Variants in AGXT observed in about 807,000 individuals in gnomAD.
AGXT encodes the protein L-alanine: glyoxylate aminotransferase 1.
Under a neutral mutation model 46.9 loss-of-function variants are expected in AGXT, and 41 were observed. That is an observed-to-expected ratio of 0.88 (90% confidence interval 0.68 to 1.14). AGXT has a LOEUF of 1.14. AGXT is among the 50% of genes most tolerant of loss of function. The probability of loss-of-function intolerance (pLI) is 0.00; values close to 1 mark genes in which losing one functional copy is unlikely to be tolerated. For synonymous variants in AGXT, 244 were observed against 227.9 expected (o/e 1.07, Z -0.64); for missense variants, 525 against 522.7 (o/e 1.00, Z -0.04).
At chr2:240,873,899 T>G in intron 5 of AGXT, 79 bp from the exon 6 acceptor site, 4 of 1,278,448 alleles carry the variant, frequency 3.1e-6, no homozygotes, top group Non-Finnish European at 4.6e-6. Flanking sequence ...TACCAGCCCA[T>G]TAGCTAGGCA....
chr2:240,880,294 T>C lies in AGXT; in HGVS notation c.*1473T>C, dbSNP rs2059054088. 1 of 152,168 alleles carries C rather than the reference T, an allele frequency of 6.6e-6. No homozygotes were observed. Among genetic ancestry groups the C allele is most frequent in the East Asian group, 1.9e-4 (1 of 5,198 alleles). The allele number at this position is 152,168 out of a possible 1,614,324, so 9.4% of individuals were successfully genotyped here. A position where few individuals can be genotyped will look rare whatever the true frequency, so the allele number is the denominator to read the frequency against. The stretch of plus-strand genomic sequence containing the variant: ...CCTCACCCACACTCCATGTTGTCTT[T>C]TTTTGCTAGGGGGTGTAAAATCCTG... On this transcript the variant is annotated 3_prime_UTR_variant, in exon 11 of 11. Coordinates refer to ENST00000307503, the MANE Select transcript of AGXT (RefSeq NM_000030.3).
At chr2:240,878,605 G>A in intron 10 of AGXT, 109 bp from the exon 11 acceptor site, 1 of 1,028,994 alleles carries the variant, frequency 9.7e-7, no homozygotes, top group Admixed American at 2.0e-5. Flanking sequence ...TGGACGCTGG[G>A]TGGGTGGTCC....
At position 240,877,855 on chromosome 2, in the gene AGXT, G is replaced by T. The variant is rs4073370; in HGVS notation, c.943-167G>T. Among the ~76,000 whole-genome samples the T allele has an allele frequency of 0.15, 23,251 of 152,212 alleles. 2,134 individuals carry two copies. Among genetic ancestry groups the T allele is most frequent in the Non-Finnish European group, 0.2 (13,834 of 67,974 alleles). Reference sequence around the variant, plus strand: ...CGGCCTGTGATCTCCCAGTGGGAAGGTGCCCATCCACCGCCTCCTAAGGGG... The same window carrying T: ...CGGCCTGTGATCTCCCAGTGGGAAGTTGCCCATCCACCGCCTCCTAAGGGG... On this transcript the variant is annotated intron_variant, in intron 9 of 10. Transcript: ENST00000307503.
At chr2:240,870,430 C>T (rs983211473) in intron 2 of AGXT, among the ~76,000 whole-genome samples, 1 of 152,296 alleles carries the variant, frequency 6.6e-6, no homozygotes, top group African/African-American at 2.4e-5. Flanking sequence ...GGAGCGTTGG[C>T]TCCAACAGCA....
chr2:240,873,778 C>G (rs75674404), intron 5 of AGXT, among the ~76,000 whole-genome samples, 200 bp from the exon 6 acceptor site: 3 of 152,282 alleles, frequency 2.0e-5, no homozygotes, highest in African/African-American at 7.2e-5. Context: ...TGCGCTAAAA[C>G]GCTCAGGCCT....
At chr2:240,873,285 A>T (rs2059001663) in intron 5 of AGXT, 1 of 547,864 alleles carries the variant, frequency 1.8e-6, no homozygotes, top group Admixed American at 3.1e-5. Context: ...CAGGAGGGAC[A>T]GCTTCTGGTG....
At position 240,875,216 on chromosome 2, in the gene AGXT, C is replaced by G; in HGVS notation, c.776+12C>G. 6.2e-7 allele frequency: 1 copy of G among 1,603,964 alleles called. No individual in the cohort carries two copies. The highest frequency in any genetic ancestry group is 8.5e-7 in the Non-Finnish European group (1 of 1,170,982). On this transcript the variant is annotated intron_variant, in intron 7 of 10. Coordinates refer to ENST00000307503, the MANE Select transcript of AGXT (RefSeq NM_000030.3). ...GACCAGCCCAGGATGTGAGGCCTGGCAGGGATGGGAAGGTGGAGGGCGCTG... is the reference window on the plus strand; with the variant it reads ...GACCAGCCCAGGATGTGAGGCCTGGGAGGGATGGGAAGGTGGAGGGCGCTG...
intron 5 of AGXT, 26 bp from the exon 6 acceptor site, chr2:240,873,952 G>A (rs747535862): frequency 9.9e-6 from 16 of 1,610,906 alleles, no homozygotes; most frequent in African/African-American, 6.7e-5. Flanking sequence ...GGACTCACCC[G>A]TCCCGAGCAA....
At chr2:240,869,599 T>G (rs111831986) in intron 2 of AGXT, among the ~76,000 whole-genome samples, 253 of 152,330 alleles carry the variant, frequency 1.7e-3, no homozygotes, top group Middle Eastern at 0.01. Flanking sequence ...CCCAGTCTCC[T>G]TGAGCTGTTT....
intron 2 of AGXT, 82 bp downstream of exon 2, chr2:240,869,444 C>A: frequency 4.8e-6 from 7 of 1,456,224 alleles, no homozygotes; most frequent in Non-Finnish European, 6.4e-6. Context: ...AAGCTGGCAG[C>A]CCCCGTTCCT....
chr2:240,879,083 G>A lies in AGXT; in HGVS notation c.*262G>A, dbSNP rs373418612. 25 of 575,732 alleles carry A rather than the reference G, an allele frequency of 4.3e-5. No homozygotes were observed. Among genetic ancestry groups the A allele is most frequent in the Admixed American group, 6.0e-5 (2 of 33,212 alleles). 35.7% of individuals were successfully genotyped at this position (575,732 alleles called of 1,614,324 possible). A position where few individuals can be genotyped will look rare whatever the true frequency, so the allele number is the denominator to read the frequency against. ...GCAGTCCCCAGGCCATGAGCCTCCC[G>A]GGAATGTTTAATAAAGGGCCTGGCC... On this transcript the variant is annotated 3_prime_UTR_variant, in exon 11 of 11. Transcript: ENST00000307503.
chr2:240,878,275 A>G (rs1481455173), intron 10 of AGXT, 125 bp downstream of exon 10: 1 of 1,375,742 alleles, frequency 7.3e-7, no homozygotes, highest in Non-Finnish European at 9.9e-7. Context: ...AGGAGCGTCC[A>G]GAAGGGCCCA....
intron 5 of AGXT, chr2:240,873,312 C>T (rs1266861430): frequency 6.0e-6 from 3 of 501,440 alleles, no homozygotes; most frequent in Non-Finnish European, 1.1e-5. Context: ...ATTTGAGATG[C>T]CCCAGAGCTG....
In AGXT at chr2:240,875,916, G is replaced by GC. The variant is rs1394768930; in HGVS notation, c.777-14dup. 1 of 1,613,940 alleles carries GC rather than the reference G, an allele frequency of 6.2e-7. No individual in the cohort carries two copies. The highest frequency in any genetic ancestry group is 1.7e-5 in the Admixed American group (1 of 60,000). ...AACCCTGCCCATGGTGCTGGACCAA[G>GC]CCCCCTCGTGTCTTCCAGGTACCAT... On this transcript the variant is annotated intron_variant, in intron 7 of 10. Coordinates refer to ENST00000307503, the MANE Select transcript of AGXT (RefSeq NM_000030.3).
chr2:240,874,487 G>C (rs987774833), intron 6 of AGXT, among the ~76,000 whole-genome samples: 5 of 152,252 alleles, frequency 3.3e-5, no homozygotes, highest in African/African-American at 1.2e-4. Context: ...GCCAGGCCGG[G>C]CAGGGGGTAG....
chr2:240,870,424 C>G (rs1290326688), intron 2 of AGXT, among the ~76,000 whole-genome samples: 2 of 152,156 alleles, frequency 1.3e-5, no homozygotes, highest in Non-Finnish European at 2.9e-5. Context: ...GCCCCAGGAG[C>G]GTTGGCTCCA....
intron 8 of AGXT, chr2:240,877,221 T>C (rs1194669631): frequency 3.7e-6 from 2 of 543,470 alleles, no homozygotes; most frequent in African/African-American, 1.9e-5. Context: ...TCCAGCCCTG[T>C]GTAGCCCAAC....
chr2:240,878,898 C>T lies in AGXT; in HGVS notation c.*77C>T, dbSNP rs1362831232. 3 of 1,395,638 alleles carry T rather than the reference C, an allele frequency of 2.1e-6. No homozygotes were observed. The highest frequency in any genetic ancestry group is 3.0e-6 in the Non-Finnish European group (3 of 1,014,628). 86.5% of individuals were successfully genotyped at this position (1,395,638 alleles called of 1,614,324 possible). A position where few individuals can be genotyped will look rare whatever the true frequency, so the allele number is the denominator to read the frequency against. The stretch of plus-strand genomic sequence containing the variant: ...CCTGAGGGATCAGGAGCAAACAGAC[C>T]CTGCAAGGTCCTCCAGGCCTGGGGA... On this transcript the variant is annotated 3_prime_UTR_variant, in exon 11 of 11. Transcript: ENST00000307503.
chr2:240,871,331 C>T lies in AGXT; in HGVS notation c.424-18C>T. The stretch of plus-strand genomic sequence containing the variant: ...CTGCCCCTCTGAGCTCCACCCACAG[C>T]CGTCCCTGCTTCCTCAGGGCCTGGC... On this transcript the variant is annotated intron_variant, in intron 3 of 10. Coordinates refer to ENST00000307503, the MANE Select transcript of AGXT (RefSeq NM_000030.3). 6.4e-7 allele frequency: 1 copy of T among 1,560,154 alleles called. No homozygotes were observed.
Sources: gnomAD v4.1 joint callset for allele counts (sites outside exome capture counted in the v4.1 genomes callset) on GRCh38, gnomAD v4.1.1 for gene constraint, MANE v1.5 for transcripts, NCBI Gene and HGNC (gene_info 2026-07-23, HGNC 2026-07-21) for gene names.